The following SCFD2 variants were observed in gnomAD, a reference collection of about 807,000 sequenced individuals.
The protein encoded by SCFD2 is sec1 family domain containing 2.
A neutral mutation model predicts 58.9 loss-of-function variants in SCFD2; 54 were observed. The observed-to-expected ratio is 0.92, with a 90% CI of 0.74 to 1.15. The LOEUF (loss-of-function observed/expected upper bound fraction) is 1.15. SCFD2 is among the 50% of genes most tolerant of loss of function. SCFD2 has a pLI of 0.00. For missense variants in SCFD2, 805 were observed against 836.6 expected (o/e 0.96, Z 0.47); for synonymous variants, 321 against 335.9 (o/e 0.96, Z 0.49).
intron 5 of SCFD2, among the ~76,000 whole-genome samples, chr4:52,926,712 TCCTG>T (rs1719872875): frequency 6.6e-6 from 1 of 152,092 alleles, no homozygotes; most frequent in Non-Finnish European, 1.5e-5. Flanking sequence ...TAGTTTGCAC[TCCTG>T]CCTGCCTGCC....
chr4:53,139,169 T>C (rs2148906568), intron 5 of SCFD2, among the ~76,000 whole-genome samples: 1 of 152,310 alleles, frequency 6.6e-6, no homozygotes, highest in South Asian at 2.1e-4. Flanking sequence ...GCTCACTCAG[T>C]GCTCAATGTT....
At chr4:53,012,242 C>T (rs1399208010) in intron 5 of SCFD2, among the ~76,000 whole-genome samples, 6 of 152,114 alleles carry the variant, frequency 3.9e-5, no homozygotes, top group East Asian at 3.9e-4. Context: ...ACCGTGAAAT[C>T]GAACAACTGC....
intron 5 of SCFD2, among the ~76,000 whole-genome samples, chr4:52,951,991 C>T (rs1720605532): frequency 6.6e-6 from 1 of 152,056 alleles, no homozygotes; most frequent in Non-Finnish European, 1.5e-5. Flanking sequence ...GGCGCTCTAC[C>T]CCTAGGTGAT....
chr4:53,291,357 A>C (rs1018135349), intron 3 of SCFD2, among the ~76,000 whole-genome samples: 1 of 152,068 alleles, frequency 6.6e-6, no homozygotes, highest in African/African-American at 2.4e-5. Flanking sequence ...GCCAAATCAT[A>C]AATTAACTCC....
intron 5 of SCFD2, among the ~76,000 whole-genome samples, chr4:53,112,293 C>T (rs1725194836): frequency 6.6e-6 from 1 of 152,094 alleles, no homozygotes; most frequent in Non-Finnish European, 1.5e-5. Context: ...GGCACCTTAA[C>T]TAAATCTAAA....
chr4:53,236,989 T>G (rs1188177949), intron 4 of SCFD2, among the ~76,000 whole-genome samples: 2 of 150,882 alleles, frequency 1.3e-5, no homozygotes. Flanking sequence ...CCCTGCGGCC[T>G]TCCGCAGTGT....
chr4:53,183,271 G>C (rs1371679796), intron 4 of SCFD2, among the ~76,000 whole-genome samples: 1 of 152,118 alleles, frequency 6.6e-6, no homozygotes, highest in Non-Finnish European at 1.5e-5. Context: ...AACAACAATA[G>C]ACCGGATTAT....
chr4:53,192,647 G>C (rs1336564001), intron 4 of SCFD2, among the ~76,000 whole-genome samples: 1 of 152,172 alleles, frequency 6.6e-6, no homozygotes, highest in Non-Finnish European at 1.5e-5. Flanking sequence ...ATGACTGCGT[G>C]CAAGTCACTC....
chr4:53,343,578 A>AG (rs1733957965), intron 2 of SCFD2, among the ~76,000 whole-genome samples: 1 of 152,236 alleles, frequency 6.6e-6, no homozygotes, highest in Non-Finnish European at 1.5e-5. Flanking sequence ...ATAGAAAAAG[A>AG]GGGAATCCTC....
At chr4:53,040,111 G>T (rs1206045455) in intron 5 of SCFD2, among the ~76,000 whole-genome samples, 1 of 152,156 alleles carries the variant, frequency 6.6e-6, no homozygotes, top group East Asian at 1.9e-4. Flanking sequence ...CAAATGCAGT[G>T]GGTGAGTATG....
intron 6 of SCFD2, among the ~76,000 whole-genome samples, chr4:52,915,921 C>T (rs577900913): frequency 2.0e-5 from 3 of 152,350 alleles, no homozygotes; most frequent in Non-Finnish European, 2.9e-5. Context: ...AGGCCTAAAG[C>T]CTGTTCAGAG....
chr4:53,316,564 T>C (rs1291940930), intron 2 of SCFD2, among the ~76,000 whole-genome samples: 5 of 152,192 alleles, frequency 3.3e-5, no homozygotes, highest in African/African-American at 1.2e-4. Context: ...TAAGTGGTAT[T>C]GTCTTATATT....
intron 1 of SCFD2, among the ~76,000 whole-genome samples, chr4:53,363,716 G>A (rs1049041938): frequency 1.3e-5 from 2 of 151,640 alleles, no homozygotes; most frequent in African/African-American, 4.8e-5. Flanking sequence ...CCAGCTACTC[G>A]GGAGGTTGAG....
At chr4:52,885,561 C>T (rs1201815335) in intron 8 of SCFD2, among the ~76,000 whole-genome samples, 186 bp downstream of exon 8, 4 of 151,982 alleles carry the variant, frequency 2.6e-5, no homozygotes, top group East Asian at 1.9e-4. Context: ...CAGGGCATGT[C>T]GGGCTGGTTC....
Position 53,132,092 on chromosome 4 carries a change from G to A in SCFD2, c.1561+13241C>T, listed in dbSNP as rs572424012. On this transcript the variant is annotated intron_variant, in intron 5 of 8. Transcript: ENST00000401642. ...TGGCATGGAAAAATTAAGTACTGGA[G>A]AAAGTAATTTGTAGTGATCCTTTAA... Among the ~76,000 whole-genome samples the A allele has an allele frequency of 4.6e-5, 7 of 152,286 alleles. No individual in the cohort carries two copies. In the South Asian group the frequency reaches 1.2e-3, roughly 27 times the overall value.
intron 5 of SCFD2, among the ~76,000 whole-genome samples, chr4:53,036,442 G>A (rs567173467): frequency 1.4e-4 from 21 of 151,250 alleles, no homozygotes; most frequent in African/African-American, 3.9e-4. Context: ...TGGAACCAAC[G>A]CAAATGTCCA....
At chr4:53,311,795 C>T (rs925420458) in intron 3 of SCFD2, among the ~76,000 whole-genome samples, 9 of 152,076 alleles carry the variant, frequency 5.9e-5, no homozygotes, top group African/African-American at 1.7e-4. Context: ...GCCACCACAC[C>T]CAGCTAATTT....
intron 5 of SCFD2, among the ~76,000 whole-genome samples, chr4:52,998,233 G>C (rs189399120): frequency 3.3e-5 from 5 of 152,358 alleles, no homozygotes; most frequent in Admixed American, 3.3e-4. Flanking sequence ...TCATCCATCA[G>C]ATACTCAGTA....
intron 4 of SCFD2, among the ~76,000 whole-genome samples, chr4:53,218,293 A>C (rs1350657278): frequency 6.6e-6 from 1 of 152,084 alleles, no homozygotes; most frequent in African/African-American, 2.4e-5. Flanking sequence ...TCAGATGTAG[A>C]TTTGGTCTTT....
Sources: gnomAD v4.1 joint callset for allele counts (sites outside exome capture counted in the v4.1 genomes callset) on GRCh38, gnomAD v4.1.1 for gene constraint, MANE v1.5 for transcripts, NCBI Gene and HGNC (gene_info 2026-07-23, HGNC 2026-07-21) for gene names.